Variants in ZNF793 observed in about 807,000 individuals in gnomAD.
ZNF793 encodes zinc finger protein 793.
Under a neutral mutation model 12.4 loss-of-function variants are expected in ZNF793, and 5 were observed. That is an observed-to-expected ratio of 0.40 (90% confidence interval 0.21 to 0.84). The LOEUF (loss-of-function observed/expected upper bound fraction) is 0.84, where lower values mean the gene tolerates loss of function less well. Among genes scored for constraint, ZNF793 ranks in the 40% least tolerant of loss-of-function variants. ZNF793 has a pLI of 0.35. For missense variants in ZNF793, 456 were observed against 495.0 expected (o/e 0.92, Z 0.75); for synonymous variants, 162 against 172.4 (o/e 0.94, Z 0.47).
At chr19:37,526,238 G>A (rs1038198385) in intron 5 of ZNF793, among the ~76,000 whole-genome samples, 5 of 152,060 alleles carry the variant, frequency 3.3e-5, no homozygotes, top group Admixed American at 6.6e-5. Flanking sequence ...TCAGCCTCCC[G>A]AGTAGCTGGG....
chr19:37,521,130 G>A (rs1413957032), intron 3 of ZNF793, among the ~76,000 whole-genome samples: 3 of 152,106 alleles, frequency 2.0e-5, no homozygotes, highest in African/African-American at 7.2e-5. Flanking sequence ...TGGGACTACA[G>A]GTGTGTGCCA....
chr19:37,536,432 G>A (rs2147112178), intron 7 of ZNF793: 2 of 403,446 alleles, frequency 5.0e-6, no homozygotes, highest in East Asian at 7.1e-5. Context: ...GCAAGGTACT[G>A]TATAACATTT....
rs4803215 is a variant in ZNF793, at chr19:37,540,165, T to C, written c.*2286T>C. 0.26 allele frequency: 38,376 copies of C among 149,258 alleles called. 5,549 individuals are homozygous for C. The highest frequency in any genetic ancestry group is 0.64 in the East Asian group (3,224 of 5,060). The allele number at this position is 149,258 out of a possible 1,614,324, so 9.2% of individuals were successfully genotyped here. ...CCTGTAGTCCCAGCTACTTGGGAGG[T>C]TGAGGCATGAGGCAGGAGAATTGCT... On this transcript the variant is annotated 3_prime_UTR_variant, in exon 8 of 8. Transcript: ENST00000627814.
chr19:37,514,575 CAGATAGATAGATAGATAGAT>C (rs57773647), intron 2 of ZNF793, among the ~76,000 whole-genome samples: 2 of 149,276 alleles, frequency 1.3e-5, no homozygotes, highest in African/African-American at 2.5e-5. Context: ...GATAGATAGA[CAGATAGATAGATAGATAGAT>C]AGATAGATAG....
rs1056179090 is a variant in ZNF793, at chr19:37,537,981, G to A, written c.*102G>A. ...GGCTGGAGTGCAGTGGCGCGATCTC[G>A]GCTTACTGCAAGCTCTGCCTCCCGG... On this transcript the variant is annotated 3_prime_UTR_variant, in exon 8 of 8. Transcript: ENST00000627814. The A allele has an allele frequency of 4.8e-5, 65 of 1,344,918 alleles. No individual in the cohort carries two copies. Among genetic ancestry groups the A allele is most frequent in the South Asian group, 2.4e-4 (15 of 63,356 alleles). 83.3% of individuals were successfully genotyped at this position (1,344,918 alleles called of 1,614,324 possible).
intron 5 of ZNF793, among the ~76,000 whole-genome samples, chr19:37,529,431 T>C (rs1273926091): frequency 6.6e-6 from 1 of 152,200 alleles, no homozygotes; most frequent in East Asian, 1.9e-4. Flanking sequence ...TGAGTTTACA[T>C]TGAAAGTGCA....
intron 5 of ZNF793, among the ~76,000 whole-genome samples, chr19:37,523,770 A>C (rs929856735): frequency 1.3e-5 from 2 of 152,158 alleles, no homozygotes; most frequent in African/African-American, 4.8e-5. Flanking sequence ...TTCTGAAATC[A>C]ACTAATCATT....
At chr19:37,532,288 G>A in intron 5 of ZNF793, 68 bp from the exon 6 acceptor site, 1 of 1,541,846 alleles carries the variant, frequency 6.5e-7, no homozygotes, top group South Asian at 1.2e-5. Context: ...ATAGGCATGA[G>A]CCACCATGCC....
At chr19:37,519,260 C>T (rs1045526054) in intron 2 of ZNF793, among the ~76,000 whole-genome samples, 4 of 151,938 alleles carry the variant, frequency 2.6e-5, no homozygotes, top group East Asian at 3.9e-4. Context: ...AGCAAGACTC[C>T]GACTCAAAAA....
intron 2 of ZNF793, among the ~76,000 whole-genome samples, chr19:37,515,897 G>T (rs1290433533): frequency 6.6e-6 from 1 of 152,136 alleles, no homozygotes; most frequent in Non-Finnish European, 1.5e-5. Flanking sequence ...GGATCTCTTT[G>T]CCCCAAATTG....
chr19:37,506,448 A>T (rs2147044122), upstream of ZNF793: 1 of 152,374 alleles, frequency 6.6e-6, no homozygotes, highest in Admixed American at 6.5e-5. Flanking sequence ...TGTCTCCCTA[A>T]GAGCGAGTCT....
At chr19:37,531,931 G>A (rs1438944022) in intron 5 of ZNF793, among the ~76,000 whole-genome samples, 2 of 151,792 alleles carry the variant, frequency 1.3e-5, no homozygotes, top group East Asian at 1.9e-4. Flanking sequence ...ATAACACAAA[G>A]CCAAGAATAT....
chr19:37,510,722 G>A (rs1438782581), intron 2 of ZNF793, among the ~76,000 whole-genome samples: 1 of 149,880 alleles, frequency 6.7e-6, no homozygotes, highest in Non-Finnish European at 1.5e-5. Flanking sequence ...TTTGAGACAG[G>A]GTCTCACTCT....
chr19:37,509,557 A>G (rs987507453), intron 2 of ZNF793, among the ~76,000 whole-genome samples: 3 of 152,176 alleles, frequency 2.0e-5, no homozygotes, highest in Non-Finnish European at 2.9e-5. Flanking sequence ...TTAAAAGCAG[A>G]TAGTCCCTGT....
chr19:37,513,188 T>A (rs1293161798), intron 2 of ZNF793, among the ~76,000 whole-genome samples: 2 of 152,194 alleles, frequency 1.3e-5, no homozygotes, highest in East Asian at 3.8e-4. Context: ...ACTATAAAGT[T>A]ATATTATTAC....
chr19:37,537,597 C>T lies in ZNF793; in HGVS notation c.939C>T (p.Cys313=), dbSNP rs2042517855. The T allele has an allele frequency of 3.7e-6, 6 of 1,614,014 alleles. No individual in the cohort carries two copies. The highest frequency in any genetic ancestry group is 5.1e-6 in the Non-Finnish European group (6 of 1,180,022). ...ACACAGGAGAGAGACCCTTTGTCTG[C>T]AGTGAATGCGGGAAATCGTTTGGTG... The part of the protein sequence containing the change: ...RTHTGERPFV[C]SECGKSFGEK... The change falls in exon 8 of 8, where the codon TGC becomes TGT. Residue 313 remains cysteine, a synonymous_variant. Coordinates refer to ENST00000627814, the MANE Select transcript of ZNF793 (RefSeq NM_001013659.3).
chr19:37,508,883 C>T (rs1191724326), intron 2 of ZNF793, among the ~76,000 whole-genome samples: 1 of 152,052 alleles, frequency 6.6e-6, no homozygotes, highest in Non-Finnish European at 1.5e-5. Context: ...TTTGCCTTGT[C>T]CTATATATTT....
intron 3 of ZNF793, among the ~76,000 whole-genome samples, chr19:37,521,144 T>C (rs2042372237): frequency 6.6e-6 from 1 of 151,960 alleles, no homozygotes; most frequent in African/African-American, 2.4e-5. Flanking sequence ...TGTGCCACCA[T>C]GCCCGGCTTA....
In ZNF793 at chr19:37,539,768, G is replaced by T. The variant is rs569852750; in HGVS notation, c.*1889G>T. ...ACTGCAATAAGAAGTAGAAAACTTGGTAGGATAGTTAACATTGAAAAACTC... is the reference window on the plus strand; with the variant it reads ...ACTGCAATAAGAAGTAGAAAACTTGTTAGGATAGTTAACATTGAAAAACTC... On this transcript the variant is annotated 3_prime_UTR_variant, in exon 8 of 8. Transcript: ENST00000627814. 2.0e-5 allele frequency: 3 copies of T among 152,266 alleles called. No individual in the cohort carries two copies. Among genetic ancestry groups the T allele is most frequent in the Admixed American group, 2.0e-4 (3 of 15,296 alleles). The allele number at this position is 152,266 out of a possible 1,614,324, so 9.4% of individuals were successfully genotyped here.
Sources: allele counts gnomAD v4.1 joint callset (sites outside exome capture counted in the v4.1 genomes callset), GRCh38; gene constraint gnomAD v4.1.1; transcripts MANE v1.5; gene names NCBI Gene and HGNC (gene_info 2026-07-23, HGNC 2026-07-21).